The following EPHA6 variants were observed in gnomAD, a reference collection of about 807,000 sequenced individuals.
EPHA6 encodes the protein ephrin type-A receptor 6.
Under a neutral mutation model 112.0 loss-of-function variants are expected in EPHA6, and 50 were observed. The ratio of observed to expected loss-of-function variants is 0.45; its 90% confidence interval spans 0.36 to 0.56. EPHA6 has a LOEUF of 0.56. EPHA6 is among the 20% of genes least tolerant of loss of function. The pLI, the probability that EPHA6 is intolerant of heterozygous loss-of-function variation, is 0.00. For synonymous variants in EPHA6, 529 were observed against 490.7 expected, an observed-to-expected ratio of 1.08 and a Z score of -1.03; for missense variants, 1,280 against 1,417.4, an observed-to-expected ratio of 0.90 and a Z score of 1.56.
chr3:97,442,573 A>AAG (rs1038485605), intron 6 of EPHA6, among the ~76,000 whole-genome samples: 26 of 151,078 alleles, frequency 1.7e-4, no homozygotes, highest in Admixed American at 5.9e-4. Context: ...CTGCCTCAAA[A>AAG]AGAGAGAGAG....
intron 2 of EPHA6, among the ~76,000 whole-genome samples, chr3:96,946,318 C>T (rs1037862836): frequency 7.2e-6 from 1 of 138,144 alleles, no homozygotes; most frequent in Admixed American, 7.0e-5. Flanking sequence ...TGCTATCCCT[C>T]CCCCCCTTCC....
intron 2 of EPHA6, among the ~76,000 whole-genome samples, chr3:96,948,805 C>A (rs536603144): frequency 6.6e-6 from 1 of 152,248 alleles, no homozygotes; most frequent in African/African-American, 2.4e-5. Flanking sequence ...AAAAATTAAT[C>A]TGTATTGATG....
chr3:96,901,592 A>G (rs982137268), intron 2 of EPHA6, among the ~76,000 whole-genome samples: 2 of 152,172 alleles, frequency 1.3e-5, no homozygotes, highest in African/African-American at 2.4e-5. Context: ...TACATAATGT[A>G]TAACATTCAA....
At chr3:97,583,561 A>G (rs896183967) in intron 11 of EPHA6, among the ~76,000 whole-genome samples, 27 of 152,144 alleles carry the variant, frequency 1.8e-4, no homozygotes, top group African/African-American at 6.0e-4. Context: ...AGAAAGAAAT[A>G]CTTTGGTGTA....
intron 3 of EPHA6, among the ~76,000 whole-genome samples, chr3:97,092,516 C>G (rs1449235288): frequency 6.6e-6 from 1 of 151,932 alleles, no homozygotes; most frequent in African/African-American, 2.4e-5. Flanking sequence ...TTGTTTCTTT[C>G]AATGAATGTG....
intron 14 of EPHA6, among the ~76,000 whole-genome samples, chr3:97,712,421 T>C (rs983936373): frequency 9.9e-5 from 15 of 152,228 alleles, no homozygotes; most frequent in African/African-American, 3.4e-4. Context: ...TACCATGCAG[T>C]ATGTTTTCAA....
At chr3:96,848,891 T>A (rs2035230976) in intron 1 of EPHA6, among the ~76,000 whole-genome samples, 1 of 152,178 alleles carries the variant, frequency 6.6e-6, no homozygotes, top group Admixed American at 6.6e-5. Context: ...TAAACACATA[T>A]GAAAACATCG....
At chr3:97,579,085 A>G (rs979707040) in intron 11 of EPHA6, among the ~76,000 whole-genome samples, 2 of 152,220 alleles carry the variant, frequency 1.3e-5, no homozygotes, top group Admixed American at 6.5e-5. Context: ...ACAGTTTGCT[A>G]GATTATAGCT....
chr3:97,681,137 A>C (rs1187686307), intron 14 of EPHA6, among the ~76,000 whole-genome samples: 2 of 152,172 alleles, frequency 1.3e-5, no homozygotes, highest in African/African-American at 4.8e-5. Context: ...AAAACTGTTC[A>C]AACCTGCTAG....
intron 1 of EPHA6, among the ~76,000 whole-genome samples, chr3:96,825,276 A>T (rs866396160): frequency 1.4e-4 from 21 of 151,058 alleles, no homozygotes; most frequent in Non-Finnish European, 2.2e-4. Context: ...TTTTTTTTTT[A>T]AAGCTTTATC....
chr3:97,479,928 C>G (rs1010333418), intron 9 of EPHA6, among the ~76,000 whole-genome samples: 4 of 152,084 alleles, frequency 2.6e-5, no homozygotes, highest in Non-Finnish European at 4.4e-5. Flanking sequence ...ACTTCTCCTC[C>G]TCAACATCCA....
At chr3:96,890,752 A>G (rs981539406) in intron 2 of EPHA6, among the ~76,000 whole-genome samples, 1 of 152,198 alleles carries the variant, frequency 6.6e-6, no homozygotes, top group African/African-American at 2.4e-5. Flanking sequence ...TGGTATAACT[A>G]CTTTGGGAAA....
chr3:96,852,973 A>G (rs1030280595), intron 1 of EPHA6, among the ~76,000 whole-genome samples: 1 of 152,110 alleles, frequency 6.6e-6, no homozygotes, highest in African/African-American at 2.4e-5. Flanking sequence ...TATACCAGAT[A>G]ATTGCTACTT....
At chr3:96,862,637 A>G (rs750110141) in intron 1 of EPHA6, among the ~76,000 whole-genome samples, 2 of 151,830 alleles carry the variant, frequency 1.3e-5, no homozygotes, top group African/African-American at 4.8e-5. Flanking sequence ...TCCTTTTCTT[A>G]CTGTGCTATC....
chr3:97,190,807 T>C (rs533858156), intron 3 of EPHA6, among the ~76,000 whole-genome samples: 3 of 152,092 alleles, frequency 2.0e-5, no homozygotes, highest in African/African-American at 7.2e-5. Context: ...GCATGGCACA[T>C]GTATACATAT....
chr3:97,445,265 A>G (rs1560016856), intron 6 of EPHA6, among the ~76,000 whole-genome samples: 3 of 152,174 alleles, frequency 2.0e-5, no homozygotes, highest in Non-Finnish European at 4.4e-5. Context: ...GCCGACAAGC[A>G]TTAGTGCACA....
rs958472269 is a variant in EPHA6 at position 96,922,643 on chromosome 3, CT to C, written c.450+55764del. Among the ~76,000 whole-genome samples, 19 of 149,578 alleles carry C rather than the reference CT, an allele frequency of 1.3e-4. No homozygotes were observed. In the South Asian group the frequency reaches 1.7e-3, roughly 13 times the overall value. On this transcript the variant is annotated intron_variant, in intron 2 of 17. Coordinates refer to ENST00000389672, the MANE Select transcript of EPHA6 (RefSeq NM_001080448.3). ...AATCAAAGCAATGCAATTCATTCCA[CT>C]TTTTTTTTTCCGACTTTGAAGTTCA...
chr3:97,454,749 A>C (rs927534071), intron 7 of EPHA6, among the ~76,000 whole-genome samples: 2 of 151,890 alleles, frequency 1.3e-5, no homozygotes, highest in African/African-American at 4.8e-5. Flanking sequence ...TGTTGGTTGA[A>C]GCACAATCTG....
chr3:97,170,105 A>G (rs1254051900), intron 3 of EPHA6, among the ~76,000 whole-genome samples: 1 of 147,440 alleles, frequency 6.8e-6, no homozygotes, highest in African/African-American at 2.6e-5. Context: ...CATTTAGCAC[A>G]TGTATCCCAG....
Sources: allele counts gnomAD v4.1 joint callset (sites outside exome capture counted in the v4.1 genomes callset), GRCh38; gene constraint gnomAD v4.1.1; transcripts MANE v1.5; gene names NCBI Gene and HGNC (gene_info 2026-07-23, HGNC 2026-07-21).